SLC9A8: variants seen among roughly 807,000 people sequenced by gnomAD.
The protein encoded by SLC9A8 is sodium/hydrogen exchanger 8.
Under a neutral mutation model 66.6 loss-of-function variants are expected in SLC9A8, and 48 were observed. The observed-to-expected ratio is 0.72, with a 90% CI of 0.57 to 0.92. The LOEUF (loss-of-function observed/expected upper bound fraction) is 0.92, where lower values mean the gene tolerates loss of function less well. Ranked by LOEUF, SLC9A8 falls within the 40% of genes least tolerant of loss-of-function variation. The pLI is 0.00. For synonymous variants in SLC9A8, 274 were observed against 282.6 expected, an observed-to-expected ratio of 0.97 and a Z score of 0.31; for missense variants, 599 against 747.3, an observed-to-expected ratio of 0.80 and a Z score of 2.31.
chr20:49,890,193 T>C lies in SLC9A8; in HGVS notation c.*2257T>C, dbSNP rs1400313389. On this transcript the variant is annotated 3_prime_UTR_variant, in exon 16 of 16. Coordinates refer to ENST00000361573, the MANE Select transcript of SLC9A8 (RefSeq NM_015266.3). ...AGGTGAGGTCAGCAGCCTGGGAGAG[T>C]GCCCCCAAGAGATGAGGGCACCCCG... is the stretch of plus-strand genomic sequence containing the variant. The C allele has an allele frequency of 6.6e-6, 1 of 151,812 alleles. No homozygotes were observed. Among genetic ancestry groups the C allele is most frequent in the African/African-American group, 2.4e-5 (1 of 41,288 alleles). The allele number at this position is 151,812 out of a possible 1,614,324, so 9.4% of individuals were successfully genotyped here. A position where few individuals can be genotyped will look rare whatever the true frequency, so the allele number is the denominator to read the frequency against.
At chr20:49,864,690 C>G (rs746357603) in intron 9 of SLC9A8, 49 bp from the exon 10 acceptor site, 1 of 1,288,000 alleles carries the variant, frequency 7.8e-7, no homozygotes, top group African/African-American at 1.5e-5. Context: ...TTCTCCACAT[C>G]TCCCATCAAC....
At position 49,884,062 on chromosome 20, in the gene SLC9A8, A is replaced by G. The variant is rs1399013891; in HGVS notation, c.1487A>G (p.Lys496Arg). 7 of 1,613,348 alleles carry G rather than the reference A, an allele frequency of 4.3e-6. No individual in the cohort carries two copies. The highest frequency in any genetic ancestry group is 5.9e-6 in the Non-Finnish European group (7 of 1,179,824). ...GACGTCAACCTCAGCAAGACTGAGA[A>G]GATGGTTAGTACCATGCGCCTGTGG... is the stretch of plus-strand genomic sequence containing the variant. ...KKDVNLSKTE[K>R]MGNTVESEHL... Residue 496 changes from lysine to arginine, a missense_variant, in exon 14 of 16, where the codon AAG becomes AGG. Lys to Arg is a conservative substitution (Grantham distance 26, BLOSUM62 2). Coordinates refer to ENST00000361573, the MANE Select transcript of SLC9A8 (RefSeq NM_015266.3).
In SLC9A8 at chr20:49,891,718, T is replaced by C. The variant is rs1258468992; in HGVS notation, c.*3782T>C. ...GAAGATGTGCATCCGTGGTCAAAAGTCAGCTGCCAGCCCTGCGGAACCAGA... is the reference window on the plus strand; with the variant it reads ...GAAGATGTGCATCCGTGGTCAAAAGCCAGCTGCCAGCCCTGCGGAACCAGA... On this transcript the variant is annotated 3_prime_UTR_variant, in exon 16 of 16. Coordinates refer to ENST00000361573, the MANE Select transcript of SLC9A8 (RefSeq NM_015266.3). The C allele has an allele frequency of 6.6e-6, 1 of 152,242 alleles. No individual in the cohort carries two copies. The highest frequency in any genetic ancestry group is 1.5e-5 in the Non-Finnish European group (1 of 68,088). 9.4% of individuals were successfully genotyped at this position (152,242 alleles called of 1,614,324 possible).
In SLC9A8 at chr20:49,890,180, C is replaced by G. The variant is rs187056633; in HGVS notation, c.*2244C>G. The G allele has an allele frequency of 6.6e-6, 1 of 152,366 alleles. No individual in the cohort carries two copies. Among genetic ancestry groups the G allele is most frequent in the Admixed American group, 6.5e-5 (1 of 15,304 alleles). 9.4% of individuals were successfully genotyped at this position (152,366 alleles called of 1,614,324 possible). On this transcript the variant is annotated 3_prime_UTR_variant, in exon 16 of 16. Coordinates refer to ENST00000361573, the MANE Select transcript of SLC9A8 (RefSeq NM_015266.3). Reference sequence around the variant, plus strand: ...CCCCCTGTCGGCCAGGTGAGGTCAGCAGCCTGGGAGAGTGCCCCCAAGAGA... The same window carrying G: ...CCCCCTGTCGGCCAGGTGAGGTCAGGAGCCTGGGAGAGTGCCCCCAAGAGA...
At chr20:49,883,078 C>T (rs937815536) in intron 13 of SLC9A8, among the ~76,000 whole-genome samples, 4 of 147,596 alleles carry the variant, frequency 2.7e-5, no homozygotes, top group African/African-American at 9.9e-5. Flanking sequence ...TGTGCCTCCT[C>T]CCAGCTGCTC....
intron 8 of SLC9A8, among the ~76,000 whole-genome samples, chr20:49,858,965 AAAAAG>A (rs1324057054): frequency 6.1e-5 from 9 of 147,204 alleles, no homozygotes; most frequent in African/African-American, 8.0e-5. Flanking sequence ...CAAAAAAAAA[AAAAAG>A]AAAGAAAAGA....
chr20:49,862,144 T>G (rs1035704244), intron 8 of SLC9A8, among the ~76,000 whole-genome samples: 1 of 151,890 alleles, frequency 6.6e-6, no homozygotes, highest in African/African-American at 2.4e-5. Context: ...TACAATGGGT[T>G]GCATATGCAT....
In SLC9A8 at chr20:49,815,103, C is replaced by T; in HGVS notation, c.122C>T (p.Pro41Leu). The T allele has an allele frequency of 1.2e-6, 2 of 1,609,144 alleles. No individual in the cohort carries two copies. Among genetic ancestry groups the T allele is most frequent in the Non-Finnish European group, 8.5e-7 (1 of 1,177,972 alleles). The change falls in exon 2 of 16, where the codon CCC becomes CTC. Residue 41 changes from proline (P) to leucine (L), a missense_variant. Physicochemically the swap from Pro to Leu is moderately conservative, Grantham distance 98. This residue lies in a region of SLC9A8 where 132 missense variants were observed against 120.9 expected (regional missense o/e 1.09). Transcript: ENST00000361573. ...TKLVLPTPGKPILPVQTGEQA... is the reference protein window; with the variant it reads ...TKLVLPTPGKLILPVQTGEQA... The stretch of plus-strand genomic sequence containing the variant: ...CTGGTGCTCCCGACCCCTGGCAAGC[C>T]CATCCTCCCCGTGCAGACAGGGGAG...
chr20:49,847,900 T>G (rs2088065710), intron 5 of SLC9A8, among the ~76,000 whole-genome samples: 1 of 130,836 alleles, frequency 7.6e-6, no homozygotes, highest in East Asian at 2.3e-4. Flanking sequence ...TCAAAACTGA[T>G]TAATCTGTTT....
chr20:49,884,338 C>CACACATACACACA (rs1600823664), intron 14 of SLC9A8, among the ~76,000 whole-genome samples: 1 of 44,570 alleles, frequency 2.2e-5, no homozygotes, highest in African/African-American at 9.3e-5. Flanking sequence ...ACACACACAC[C>CACACATACACACA]CCCCGGTCAT....
chr20:49,871,612 C>T (rs1461606630), intron 10 of SLC9A8, among the ~76,000 whole-genome samples: 2 of 152,178 alleles, frequency 1.3e-5, no homozygotes, highest in Non-Finnish European at 1.5e-5. Flanking sequence ...TGGAGAGTCC[C>T]CTTTGCTTCT....
chr20:49,884,092 G>T, intron 14 of SLC9A8, 26 bp downstream of exon 14: 1 of 1,600,312 alleles, frequency 6.2e-7, no homozygotes, highest in Non-Finnish European at 8.6e-7. Flanking sequence ...CTGTGGGGGT[G>T]GGGCAGGGGG....
chr20:49,815,212 C>T (rs754594224), intron 2 of SLC9A8, 23 bp downstream of exon 2: 3 of 1,486,782 alleles, frequency 2.0e-6, no homozygotes, highest in African/African-American at 1.4e-5. Flanking sequence ...ACTGTCATCC[C>T]CATCATCTGC....
At chr20:49,879,015 G>A (rs557507292) in intron 12 of SLC9A8, among the ~76,000 whole-genome samples, 10 of 151,702 alleles carry the variant, frequency 6.6e-5, no homozygotes, top group African/African-American at 1.9e-4. Context: ...AAGAGCGAAA[G>A]TCCATCTCAA....
intron 3 of SLC9A8, 50 bp downstream of exon 3, chr20:49,823,191 A>G (rs767597168): frequency 1.4e-6 from 2 of 1,395,548 alleles, no homozygotes; most frequent in Non-Finnish European, 2.0e-6. Context: ...AATAACTACC[A>G]TTTTTTGAGT....
At chr20:49,820,090 T>C (rs2086679639) in intron 2 of SLC9A8, among the ~76,000 whole-genome samples, 1 of 152,232 alleles carries the variant, frequency 6.6e-6, no homozygotes, top group Non-Finnish European at 1.5e-5. Context: ...GGTTACTGTA[T>C]GTTTAACTTT....
At position 49,886,956 on chromosome 20, in the gene SLC9A8, C is replaced by A. The variant is rs6020105; in HGVS notation, c.1638+58C>A. 1 of 1,555,264 alleles carries A rather than the reference C, an allele frequency of 6.4e-7. No individual in the cohort carries two copies. The highest frequency in any genetic ancestry group is 8.7e-7 in the Non-Finnish European group (1 of 1,144,614). Reference sequence around the variant, plus strand: ...GTCCCTTGCCTGCCTCCTTCAGGACCTGCGGTGGCCCAGGGTGGGGTGGAG... The same window carrying A: ...GTCCCTTGCCTGCCTCCTTCAGGACATGCGGTGGCCCAGGGTGGGGTGGAG... On this transcript the variant is annotated intron_variant, in intron 15 of 15. Transcript: ENST00000361573. The surrounding 1 kb of genome is among the most constrained non-coding windows in gnomAD (Gnocchi z 4.8).
In SLC9A8 at chr20:49,850,702, A is replaced by C. The variant is rs982379478; in HGVS notation, c.535-108A>C. 1.1e-5 allele frequency: 15 copies of C among 1,403,342 alleles called. No homozygotes were observed. In the Admixed American group the frequency reaches 3.0e-4, roughly 28 times the overall value. The allele number at this position is 1,403,342 out of a possible 1,614,324, so 86.9% of individuals were successfully genotyped here. A position where few individuals can be genotyped will look rare whatever the true frequency, so the allele number is the denominator to read the frequency against. ...TCAAGTGGTTTGGGAACTGAAGATT[A>C]ATGTCCTTATTAGTTTTAATAAAGC... On this transcript the variant is annotated intron_variant, in intron 6 of 15. Transcript: ENST00000361573.
intron 12 of SLC9A8, among the ~76,000 whole-genome samples, chr20:49,879,186 G>A (rs920029299): frequency 6.6e-6 from 1 of 152,084 alleles, no homozygotes; most frequent in Non-Finnish European, 1.5e-5. Flanking sequence ...AGGATGCCCT[G>A]GGGTGACAAC....
Sources: allele counts gnomAD v4.1 joint callset (sites outside exome capture counted in the v4.1 genomes callset), GRCh38; gene constraint gnomAD v4.1.1; regional missense constraint gnomAD v4.1.1; non-coding constraint Gnocchi (gnomAD v3.1); transcripts MANE v1.5; gene names NCBI Gene and HGNC (gene_info 2026-07-23, HGNC 2026-07-21).